The following STARD13 variants were observed in gnomAD, a reference collection of about 807,000 sequenced individuals.
The protein encoded by STARD13 is stAR-related lipid transfer protein 13.
A neutral mutation model predicts 106.4 loss-of-function variants in STARD13; 62 were observed. The observed-to-expected ratio is 0.58, with a 90% confidence interval of 0.48 to 0.72. The LOEUF is 0.72. Ranked by LOEUF, STARD13 falls within the 30% of genes least tolerant of loss-of-function variation. The pLI is 0.00. For missense variants in STARD13, 1,387 were observed against 1,424.0 expected (o/e 0.97, Z 0.42); for synonymous variants, 565 against 553.0 (o/e 1.02, Z -0.31).
chr13:33,146,027 A>T (rs1198521525), intron 3 of STARD13, among the ~76,000 whole-genome samples: 1 of 152,018 alleles, frequency 6.6e-6, no homozygotes, highest in Non-Finnish European at 1.5e-5. Context: ...GCTACAAAAA[A>T]AATATATAAA....
intron 1 of STARD13, chr13:33,276,567 A>G (rs1184892870): frequency 6.6e-6 from 1 of 152,134 alleles, no homozygotes; most frequent in African/African-American, 2.4e-5. Flanking sequence ...TTTTGTATCC[A>G]GTGTGTCGTT....
At chr13:33,454,929 C>T in the STARD13 span, among the ~76,000 whole-genome samples, 1 of 152,162 alleles carries the variant, frequency 6.6e-6, no homozygotes, top group Non-Finnish European at 1.5e-5. Context: ...TCAGTAGATA[C>T]TTACTCTGCA....
chr13:33,219,421 A>T (rs760459273), intron 1 of STARD13, among the ~76,000 whole-genome samples: 3 of 151,250 alleles, frequency 2.0e-5, no homozygotes, highest in Non-Finnish European at 4.4e-5. Context: ...AAAATGAAAC[A>T]AGTATAAAAA....
At chr13:33,572,438 T>A in the STARD13 span, among the ~76,000 whole-genome samples, 1 of 152,188 alleles carries the variant, frequency 6.6e-6, no homozygotes, top group Non-Finnish European at 1.5e-5. Flanking sequence ...CTTTCCTTTT[T>A]CTGTCCATAA....
At chr13:33,580,984 A>G in the STARD13 span, among the ~76,000 whole-genome samples, 1 of 152,158 alleles carries the variant, frequency 6.6e-6, no homozygotes, top group Non-Finnish European at 1.5e-5. Context: ...AAGACATTGT[A>G]TTTATGTTCT....
intron 1 of STARD13, among the ~76,000 whole-genome samples, chr13:33,255,102 C>CCT: frequency 7.0e-6 from 1 of 143,594 alleles, no homozygotes; most frequent in East Asian, 1.9e-4. Flanking sequence ...GTGTGCTCCC[C>CCT]CCCCCCTCAG....
At chr13:33,348,814 A>T (rs906357586) in exon 2 of STARD13, 1 of 272,150 alleles carries the variant, frequency 3.7e-6, no homozygotes, top group African/African-American at 2.1e-5. Flanking sequence ...AAACCAAAAA[A>T]GTCTGTTTAT....
chr13:33,532,336 C>G, the STARD13 span, among the ~76,000 whole-genome samples: 5 of 152,112 alleles, frequency 3.3e-5, no homozygotes, highest in Admixed American at 3.3e-4. Context: ...ATCATGTGCT[C>G]TTTTCCCCTC....
At chr13:33,517,682 T>C in the STARD13 span, among the ~76,000 whole-genome samples, 30 of 152,176 alleles carry the variant, frequency 2.0e-4, no homozygotes, top group African/African-American at 7.2e-4. Context: ...TCATAGGCAG[T>C]ATCAATCCAG....
the STARD13 span, among the ~76,000 whole-genome samples, chr13:33,365,887 ATTTCT>A: frequency 4.1e-3 from 620 of 152,032 alleles, 2 homozygotes; most frequent in African/African-American, 0.013. Flanking sequence ...TCTTTTCCTA[ATTTCT>A]TTTCAAGGCT....
chr13:33,473,148 T>C, the STARD13 span, among the ~76,000 whole-genome samples: 1 of 152,200 alleles, frequency 6.6e-6, no homozygotes, highest in Non-Finnish European at 1.5e-5. Context: ...GGCATGGTGT[T>C]AGACACAGGA....
intron 1 of STARD13, among the ~76,000 whole-genome samples, chr13:33,218,997 G>C (rs1021417286): frequency 1.3e-5 from 2 of 151,954 alleles, no homozygotes; most frequent in African/African-American, 2.4e-5. Context: ...TACAAATAAG[G>C]GCCCTGGAAA....
At chr13:33,557,913 T>C in the STARD13 span, among the ~76,000 whole-genome samples, 1 of 152,212 alleles carries the variant, frequency 6.6e-6, no homozygotes, top group Admixed American at 6.5e-5. Flanking sequence ...CTTGAAATTA[T>C]AGCTGTGAGA....
At chr13:33,634,099 C>G in the STARD13 span, among the ~76,000 whole-genome samples, 2 of 152,206 alleles carry the variant, frequency 1.3e-5, no homozygotes, top group African/African-American at 4.8e-5. Flanking sequence ...AGATGGCCAT[C>G]ATATAAACAT....
In STARD13 at chr13:33,104,332, A is replaced by T. The variant is rs1319026224; in HGVS notation, c.*1261T>A. 1 of 152,514 alleles carries T rather than the reference A, an allele frequency of 6.6e-6. No individual in the cohort carries two copies. The highest frequency in any genetic ancestry group is 1.5e-5 in the Non-Finnish European group (1 of 68,048). The allele number at this position is 152,514 out of a possible 1,614,324, so 9.4% of individuals were successfully genotyped here. On this transcript the variant is annotated 3_prime_UTR_variant, in exon 14 of 14. Transcript: ENST00000336934. ...TGGGTCAAATGCATAGGTAGCTTGGACTGGCTAGTGAAGAAACACAGAAGA... is the reference window on the plus strand; with the variant it reads ...TGGGTCAAATGCATAGGTAGCTTGGTCTGGCTAGTGAAGAAACACAGAAGA...
At chr13:33,380,015 G>A in the STARD13 span, among the ~76,000 whole-genome samples, 15 of 129,136 alleles carry the variant, frequency 1.2e-4, no homozygotes, top group East Asian at 1.6e-3. Context: ...ATACTCTTGC[G>A]ATAAAATAAA....
At chr13:33,389,036 A>G in the STARD13 span, among the ~76,000 whole-genome samples, 4 of 150,382 alleles carry the variant, frequency 2.7e-5, no homozygotes, top group African/African-American at 9.8e-5. Context: ...GCTCACTGCA[A>G]CCTCTGCCTC....
At chr13:33,387,039 T>A in the STARD13 span, among the ~76,000 whole-genome samples, 1 of 152,294 alleles carries the variant, frequency 6.6e-6, no homozygotes, top group East Asian at 1.9e-4. Context: ...AGATGGGGTT[T>A]CTGTTGCCCA....
At chr13:33,181,947 T>C (rs763529482) in intron 1 of STARD13, among the ~76,000 whole-genome samples, 2 of 152,356 alleles carry the variant, frequency 1.3e-5, no homozygotes, top group Middle Eastern at 3.4e-3. Context: ...CGGTCTCGCT[T>C]TTTAAGATCA....
Sources: gnomAD v4.1 joint callset for allele counts (sites outside exome capture counted in the v4.1 genomes callset) on GRCh38, gnomAD v4.1.1 for gene constraint, MANE v1.5 for transcripts, NCBI Gene and HGNC (gene_info 2026-07-23, HGNC 2026-07-21) for gene names.